The following ZC3H12B variants were observed in gnomAD, a reference collection of about 807,000 sequenced individuals.
The protein encoded by ZC3H12B is zinc finger CCCH-type containing 12B, also known as probable ribonuclease ZC3H12B.
Under a neutral mutation model 43.9 loss-of-function variants are expected in ZC3H12B, and 7 were observed. The observed-to-expected ratio is 0.16, with a 90% CI of 0.09 to 0.30. The LOEUF (loss-of-function observed/expected upper bound fraction) is 0.30, where lower values mean the gene tolerates loss of function less well. Ranked by LOEUF, ZC3H12B falls within the 10% of genes least tolerant of loss-of-function variation. The pLI is 1.00. For missense variants in ZC3H12B, 475 were observed against 670.2 expected (o/e 0.71, Z 3.22); for synonymous variants, 222 against 241.7 (o/e 0.92, Z 0.76).
At chrX:65,274,820 G>T in the ZC3H12B span, among the ~76,000 whole-genome samples, 2 of 111,456 alleles carry the variant, frequency 1.8e-5, no homozygotes, top group African/African-American at 6.5e-5. Flanking sequence ...CTTGCAGGAA[G>T]TCCCCCAGTC....
chrX:65,148,084 G>C, the ZC3H12B span, among the ~76,000 whole-genome samples: 1 of 111,030 alleles, frequency 9.0e-6, no homozygotes, highest in Non-Finnish European at 1.9e-5. Context: ...GGGGCTACAG[G>C]GGCCAGCCTG....
chrX:65,216,228 G>C, the ZC3H12B span, among the ~76,000 whole-genome samples: 3 of 111,839 alleles, frequency 2.7e-5, no homozygotes, highest in African/African-American at 9.8e-5. Context: ...TATTGGAAAG[G>C]GTAGGAAGGA....
At chrX:65,118,422 G>T in the ZC3H12B span, among the ~76,000 whole-genome samples, 21 of 111,771 alleles carry the variant, frequency 1.9e-4, no homozygotes, top group African/African-American at 2.9e-4. Context: ...TGTATCCTGA[G>T]ACTTTCCTGA....
intron 3 of ZC3H12B, among the ~76,000 whole-genome samples, chrX:65,406,603 T>C (rs1374790153): frequency 1.8e-3 from 8 of 4,456 alleles, no homozygotes; most frequent in African/African-American, 5.3e-3. Flanking sequence ...TGGGCGGGGC[T>C]GGGCGGGGCT....
chrX:65,150,894 C>A, the ZC3H12B span, among the ~76,000 whole-genome samples: 5 of 111,173 alleles, frequency 4.5e-5, no homozygotes, highest in Non-Finnish European at 9.4e-5. Context: ...GCTATGTACT[C>A]TTCCCTGCCT....
the ZC3H12B span, among the ~76,000 whole-genome samples, chrX:65,182,571 A>G: frequency 9.0e-6 from 1 of 111,023 alleles, no homozygotes; most frequent in African/African-American, 3.3e-5. Flanking sequence ...AAATTAAGAA[A>G]TATGATCCAA....
At chrX:65,193,937 G>C in the ZC3H12B span, among the ~76,000 whole-genome samples, 1 of 111,210 alleles carries the variant, frequency 9.0e-6, no homozygotes, top group African/African-American at 3.3e-5. Context: ...TTCTGAGGCA[G>C]CCTCAGGGAG....
chrX:65,158,771 G>T, the ZC3H12B span, among the ~76,000 whole-genome samples: 1 of 111,740 alleles, frequency 8.9e-6, no homozygotes, highest in South Asian at 3.7e-4. Context: ...AAGCTCTTTA[G>T]TTTAATTAGA....
chrX:65,191,485 T>C, the ZC3H12B span, among the ~76,000 whole-genome samples: 5 of 102,737 alleles, frequency 4.9e-5, no homozygotes, highest in Non-Finnish European at 9.6e-5. Context: ...GCTCCTGTTA[T>C]TGGTCTATTC....
the ZC3H12B span, among the ~76,000 whole-genome samples, chrX:65,163,208 G>A: frequency 9.0e-6 from 1 of 111,491 alleles, no homozygotes; most frequent in African/African-American, 3.3e-5. Context: ...AGGTTGCTCG[G>A]GGGTCAGGGG....
the ZC3H12B span, among the ~76,000 whole-genome samples, chrX:65,070,168 T>C: frequency 3.6e-5 from 4 of 110,782 alleles, no homozygotes; most frequent in Non-Finnish European, 7.6e-5. Context: ...TTTTCAGTCT[T>C]GTGAGGTTGT....
At chrX:65,180,700 T>G in the ZC3H12B span, among the ~76,000 whole-genome samples, 2 of 110,885 alleles carry the variant, frequency 1.8e-5, no homozygotes, top group African/African-American at 6.6e-5. Context: ...GGAATACAAC[T>G]TAGAAGTTAC....
At chrX:65,136,866 T>G in the ZC3H12B span, among the ~76,000 whole-genome samples, 2 of 111,946 alleles carry the variant, frequency 1.8e-5, no homozygotes, top group African/African-American at 6.5e-5. Context: ...AATGTCTATT[T>G]CATCTTCCTG....
the ZC3H12B span, among the ~76,000 whole-genome samples, chrX:65,227,265 C>T: frequency 1.8e-5 from 2 of 111,510 alleles, no homozygotes; most frequent in East Asian, 2.8e-4. Flanking sequence ...AACTGAACAA[C>T]CTGCTCCTGA....
the ZC3H12B span, among the ~76,000 whole-genome samples, chrX:65,302,250 C>A: frequency 9.1e-6 from 1 of 110,451 alleles, no homozygotes. Context: ...TTACAGGTGG[C>A]ATAATTGTCT....
upstream of ZC3H12B, among the ~76,000 whole-genome samples, chrX:65,487,744 C>T (rs145343198): frequency 0.014 from 1,623 of 112,615 alleles, 10 homozygotes; most frequent in Middle Eastern, 0.051. Context: ...AAACACACCT[C>T]TCTGTTAACC....
chrX:65,267,196 TTTC>T, the ZC3H12B span, among the ~76,000 whole-genome samples: 2 of 87,877 alleles, frequency 2.3e-5, no homozygotes, highest in Non-Finnish European at 3.8e-5. Flanking sequence ...TTTTTCTTTC[TTTC>T]TTTTTTTTTT....
the ZC3H12B span, among the ~76,000 whole-genome samples, chrX:65,361,283 C>A: frequency 1.8e-5 from 2 of 111,754 alleles, no homozygotes; most frequent in African/African-American, 3.3e-5. Flanking sequence ...TAAGGGGTGA[C>A]AAGAATATCA....
chrX:65,250,707 A>G, the ZC3H12B span, among the ~76,000 whole-genome samples: 1 of 111,548 alleles, frequency 9.0e-6, no homozygotes, highest in African/African-American at 3.3e-5. Flanking sequence ...GCATTTTTTC[A>G]TGTGTCTTTT....
Sources: allele counts gnomAD v4.1 joint callset (sites outside exome capture counted in the v4.1 genomes callset), GRCh38; gene constraint gnomAD v4.1.1; transcripts MANE v1.5; gene names NCBI Gene and HGNC (gene_info 2026-07-23, HGNC 2026-07-21).